Variants in COL27A1 observed in about 807,000 individuals in gnomAD.
COL27A1 encodes collagen alpha-1(XXVII) chain.
A neutral mutation model predicts 251.3 loss-of-function variants in COL27A1; 106 were observed. That is an observed-to-expected ratio of 0.42 (90% confidence interval 0.36 to 0.50). The LOEUF (loss-of-function observed/expected upper bound fraction) is 0.50. COL27A1 is among the 20% of genes least tolerant of loss of function. The probability of loss-of-function intolerance (pLI) is 0.00; values close to 1 mark genes in which losing one functional copy is unlikely to be tolerated. For missense variants in COL27A1, 2,325 were observed against 2,522.8 expected (o/e 0.92, Z 1.68); for synonymous variants, 1,000 against 986.3 (o/e 1.01, Z -0.26).
chr9:114,269,421 T>C, intron 35 of COL27A1, 127 bp downstream of exon 35: 1 of 595,252 alleles, frequency 1.7e-6, no homozygotes, highest in Non-Finnish European at 2.9e-6. Context: ...ACTATGAATG[T>C]CTACAGCCTC....
Position 114,245,891 on chromosome 9 carries a change from C to A in COL27A1, c.2960C>A (p.Pro987Gln), listed in dbSNP as rs138913107. The A allele has an allele frequency of 7.4e-6, 12 of 1,612,928 alleles. No homozygotes were observed. Among genetic ancestry groups the A allele is most frequent in the Non-Finnish European group, 9.3e-6 (11 of 1,179,538 alleles). ...GGGGAACCAGGGGATCCTGGTCGGC[C>A]GGGGCCTGTGGGAGAGCAGGTTAGT... ...VKGEPGDPGR[P>Q]GPVGEQGFMG... is the part of the protein sequence containing the mutation. The change falls in exon 24 of 61, where the codon CCG becomes CAG. Residue 987 changes from proline (P) to glutamine (Q), a missense_variant. Coordinates refer to ENST00000356083, the MANE Select transcript of COL27A1 (RefSeq NM_032888.4).
intron 35 of COL27A1, among the ~76,000 whole-genome samples, chr9:114,269,634 AAAG>A (rs58963756): frequency 8.7e-6 from 1 of 114,350 alleles, no homozygotes; most frequent in Non-Finnish European, 1.7e-5. Flanking sequence ...AAAAAAAAAA[AAAG>A]AAGAAGAAGG....
intron 12 of COL27A1, among the ~76,000 whole-genome samples, chr9:114,212,325 TTGTTCATCCAGTGATTATC>T (rs1160930887): frequency 6.6e-6 from 1 of 152,200 alleles, no homozygotes; most frequent in Non-Finnish European, 1.5e-5. Flanking sequence ...GCAAGGAGAT[TTGTTCATCCAGTGATTATC>T]TGTTCATCCC....
At chr9:114,186,916 G>T (rs1828385813) in intron 5 of COL27A1, among the ~76,000 whole-genome samples, 1 of 152,194 alleles carries the variant, frequency 6.6e-6, no homozygotes, top group Admixed American at 6.5e-5. Flanking sequence ...GCAGAGGTGG[G>T]GGTCTCCTTC....
intron 12 of COL27A1, among the ~76,000 whole-genome samples, chr9:114,219,375 C>A (rs1262409798): frequency 6.6e-6 from 1 of 152,210 alleles, no homozygotes. Flanking sequence ...GAACGTGCCA[C>A]AATCAGAGAA....
chr9:114,262,195 A>T (rs1834389267), intron 28 of COL27A1, among the ~76,000 whole-genome samples: 1 of 152,202 alleles, frequency 6.6e-6, no homozygotes, highest in Non-Finnish European at 1.5e-5. Context: ...CAGCTCCGCC[A>T]GGCCTGTGCC....
chr9:114,289,111 G>T, intron 44 of COL27A1, 131 bp from the exon 45 acceptor site: 1 of 1,382,828 alleles, frequency 7.2e-7, no homozygotes, highest in South Asian at 1.3e-5. Flanking sequence ...CTCCTGCCCT[G>T]ACCCTGGGGA....
intron 28 of COL27A1, among the ~76,000 whole-genome samples, chr9:114,263,179 C>T (rs1454425603): frequency 3.9e-5 from 6 of 152,210 alleles, no homozygotes; most frequent in African/African-American, 1.2e-4. Context: ...CCTCATGATC[C>T]GCCCACCTCA....
chr9:114,257,589 A>AT (rs150352925), intron 27 of COL27A1, among the ~76,000 whole-genome samples: 3,356 of 151,684 alleles, frequency 0.022, 132 homozygotes, highest in African/African-American at 0.077. Flanking sequence ...TCTGTTCATC[A>AT]AAACCAAGAT....
rs756393374 is a variant in COL27A1, at chr9:114,169,339, C to T, written c.1784C>T (p.Ala595Val). Residue 595 changes from alanine (A) to valine (V), a missense_variant, in exon 3 of 61, where the codon GCG (alanine) becomes GTG (valine). Ala to Val is a moderately conservative substitution (Grantham distance 64). Coordinates refer to ENST00000356083, the MANE Select transcript of COL27A1 (RefSeq NM_032888.4). ...QTTPALVLAP[A>V]QFLSSSPRPT... ...ACCCCGGCCCTGGTATTGGCCCCGG[C>T]GCAATTCCTGTCCTCCAGCCCCCGG... 5.1e-5 allele frequency: 82 copies of T among 1,612,682 alleles called. No homozygotes were observed. The highest frequency in any genetic ancestry group is 1.7e-4 in the Middle Eastern group (1 of 6,058).
intron 2 of COL27A1, among the ~76,000 whole-genome samples, chr9:114,166,398 C>CCTATCCATTTATCCATTCATCCATCCAT (rs1347413059): frequency 1.4e-5 from 2 of 144,504 alleles, no homozygotes; most frequent in African/African-American, 5.2e-5. Flanking sequence ...CATCCATCCA[C>CCTATCCATTTATCCATTCATCCATCCAT]CCACCCACCT....
At chr9:114,263,840 T>TATTC (rs1295778561) in intron 28 of COL27A1, among the ~76,000 whole-genome samples, 1 of 152,182 alleles carries the variant, frequency 6.6e-6, no homozygotes, top group East Asian at 1.9e-4. Flanking sequence ...AGCTGGGCTG[T>TATTC]ATTCGTTGTA....
At chr9:114,270,567 C>T (rs1835072862) in intron 35 of COL27A1, among the ~76,000 whole-genome samples, 161 bp from the exon 36 acceptor site, 2 of 152,222 alleles carry the variant, frequency 1.3e-5, no homozygotes. Context: ...TAACTCAGCC[C>T]CTGGCTACCA....
intron 15 of COL27A1, 144 bp downstream of exon 15, chr9:114,231,276 T>C: frequency 1.3e-6 from 1 of 763,600 alleles, no homozygotes; most frequent in Non-Finnish European, 2.2e-6. Flanking sequence ...AGGAGGAAGC[T>C]GGGCAGGTCA....
At chr9:114,204,578 G>A (rs1829812974) in intron 7 of COL27A1, among the ~76,000 whole-genome samples, 1 of 152,080 alleles carries the variant, frequency 6.6e-6, no homozygotes, top group African/African-American at 2.4e-5. Context: ...TGGGAGAAGG[G>A]AAACAACTAT....
chr9:114,169,947 T>C lies in COL27A1; in HGVS notation c.1908+484T>C, dbSNP rs149686109. On this transcript the variant is annotated intron_variant, in intron 3 of 60. Transcript: ENST00000356083. ...TGGGGAGCTCTGGATATGTTTTGTT[T>C]GGCACGTGCAGTGTTCTTTTTTAAA... Among the ~76,000 whole-genome samples, 244 of 152,372 alleles carry C rather than the reference T, an allele frequency of 1.6e-3. 1 individual carries two copies. Among genetic ancestry groups the C allele is most frequent in the African/African-American group, 5.6e-3 (233 of 41,590 alleles).
chr9:114,191,673 G>T lies in COL27A1; in HGVS notation c.2017-2731G>T, dbSNP rs145176069. The stretch of plus-strand genomic sequence containing the variant: ...TCTTTATCCAGTCTATCACTGATGC[G>T]CATTTAGGTTGATTCCATGTCTTTG... On this transcript the variant is annotated intron_variant, in intron 5 of 60. Coordinates refer to ENST00000356083, the MANE Select transcript of COL27A1 (RefSeq NM_032888.4). Among the ~76,000 whole-genome samples the T allele has an allele frequency of 1.1e-4, 16 of 152,236 alleles. No individual in the cohort carries two copies. In the East Asian group the frequency reaches 2.1e-3, roughly 20 times the overall value.
chr9:114,281,046 G>A (rs1414455455), intron 37 of COL27A1, among the ~76,000 whole-genome samples: 1 of 152,198 alleles, frequency 6.6e-6, no homozygotes, highest in African/African-American at 2.4e-5. Context: ...CAATTAGTCA[G>A]TGCCTCTTCT....
At chr9:114,261,271 A>G (rs1588803417) in intron 28 of COL27A1, among the ~76,000 whole-genome samples, 2 of 152,018 alleles carry the variant, frequency 1.3e-5, no homozygotes, top group African/African-American at 4.8e-5. Flanking sequence ...GCTGGAGGGC[A>G]GTCTCCAGCG....
Sources: gnomAD v4.1 joint callset for allele counts (sites outside exome capture counted in the v4.1 genomes callset) on GRCh38, gnomAD v4.1.1 for gene constraint, MANE v1.5 for transcripts, NCBI Gene and HGNC (gene_info 2026-07-23, HGNC 2026-07-21) for gene names.